The following MGMT variants were observed in gnomAD, a reference collection of about 807,000 sequenced individuals.
The protein encoded by MGMT is methylated-DNA--protein-cysteine methyltransferase.
MGMT carries 14 observed loss-of-function variants against 15.9 expected under a neutral mutation model. The observed-to-expected ratio is 0.88, with a 90% CI of 0.58 to 1.37. MGMT has a LOEUF of 1.37. Among genes scored for constraint, MGMT ranks in the 40% most tolerant of loss-of-function variants. The pLI is 0.00. For missense variants in MGMT, 282 were observed against 268.1 expected (o/e 1.05, Z -0.36); for synonymous variants, 130 against 118.2 (o/e 1.10, Z -0.65).
intron 2 of MGMT, chr10:129,700,937 T>C (rs942304865): frequency 6.6e-6 from 1 of 152,246 alleles, no homozygotes; most frequent in African/African-American, 2.4e-5. Context: ...GAAGGCATGT[T>C]CCTTCCTACA....
chr10:129,689,117 A>T (rs1266599151), intron 2 of MGMT, among the ~76,000 whole-genome samples: 1 of 151,872 alleles, frequency 6.6e-6, no homozygotes, highest in Non-Finnish European at 1.5e-5. Flanking sequence ...TTTTGTAGAG[A>T]TGGGGTTTAG....
intron 4 of MGMT, among the ~76,000 whole-genome samples, chr10:129,764,531 G>A (rs1848911001): frequency 6.6e-6 from 1 of 152,236 alleles, no homozygotes; most frequent in African/African-American, 2.4e-5. Context: ...TGGAGATGCT[G>A]GGCACACGCC....
At chr10:129,732,594 A>G (rs192221651) in intron 3 of MGMT, among the ~76,000 whole-genome samples, 1 of 151,040 alleles carries the variant, frequency 6.6e-6, no homozygotes, top group East Asian at 2.0e-4. Context: ...TTTAGGGTGC[A>G]TGTGCATAAT....
intron 2 of MGMT, among the ~76,000 whole-genome samples, chr10:129,583,846 T>G (rs1048670796): frequency 1.4e-4 from 21 of 151,972 alleles, no homozygotes; most frequent in African/African-American, 4.8e-4. Flanking sequence ...GTCTTGACTT[T>G]CGTTTTGTTT....
chr10:129,521,959 G>A (rs529612025), intron 1 of MGMT, among the ~76,000 whole-genome samples: 22 of 152,368 alleles, frequency 1.4e-4, no homozygotes, highest in African/African-American at 4.3e-4. Flanking sequence ...CCGGTGCAGG[G>A]CACGCAGGGC....
chr10:129,553,876 A>C (rs886792476), intron 2 of MGMT, among the ~76,000 whole-genome samples: 1 of 152,176 alleles, frequency 6.6e-6, no homozygotes. Context: ...TCTCTGCCTC[A>C]CTGAGCGGGT....
At chr10:129,714,902 G>A (rs940757058) in intron 3 of MGMT, among the ~76,000 whole-genome samples, 36 of 152,178 alleles carry the variant, frequency 2.4e-4, no homozygotes, top group East Asian at 1.9e-4. Context: ...CCTGTGCAGA[G>A]CCCTCTGACT....
At chr10:129,583,643 T>G (rs1846583436) in intron 2 of MGMT, among the ~76,000 whole-genome samples, 1 of 152,226 alleles carries the variant, frequency 6.6e-6, no homozygotes, top group African/African-American at 2.4e-5. Context: ...CCCCCTTGCC[T>G]GCAGGGCAGG....
intron 2 of MGMT, among the ~76,000 whole-genome samples, chr10:129,572,748 G>C (rs191607975): frequency 2.7e-4 from 41 of 152,180 alleles, no homozygotes; most frequent in African/African-American, 9.9e-4. Flanking sequence ...TTGGGATAGA[G>C]ACTGTGCCAT....
In MGMT at chr10:129,500,098, CTT is replaced by C. The variant is rs372706380; in HGVS notation, c.-13+32805_-13+32806del. Among the ~76,000 whole-genome samples, 1,024 of 152,250 alleles carry C rather than the reference CTT, an allele frequency of 6.7e-3. 11 individuals are homozygous for C. The highest frequency in any genetic ancestry group is 0.022 in the African/African-American group (933 of 41,542). On this transcript the variant is annotated intron_variant, in intron 1 of 4. Coordinates refer to ENST00000651593, the MANE Select transcript of MGMT (RefSeq NM_002412.5). Reference sequence around the variant, plus strand: ...TTCCTTACACTCTTTTTGACACAAACTTTTGAATATGGACTCACATTATAAAT... The same window carrying C: ...TTCCTTACACTCTTTTTGACACAAACTTGAATATGGACTCACATTATAAAT...
At chr10:129,704,566 G>A (rs563079547) in intron 2 of MGMT, among the ~76,000 whole-genome samples, 3 of 152,204 alleles carry the variant, frequency 2.0e-5, no homozygotes, top group Admixed American at 6.5e-5. Flanking sequence ...TAATTTAGCC[G>A]GCTCTGCTGG....
At chr10:129,757,693 T>A (rs536750058) in intron 3 of MGMT, among the ~76,000 whole-genome samples, 1 of 152,344 alleles carries the variant, frequency 6.6e-6, no homozygotes, top group African/African-American at 2.4e-5. Context: ...AACAGTTTGA[T>A]TTCAAAACGT....
chr10:129,652,465 G>C lies in MGMT; in HGVS notation c.126-55430G>C, dbSNP rs571622386. ...TCCTGAGGGAACGGAGGAGACTGGA[G>C]AGGGAACATTCTAGTATGTGCGTGC... On this transcript the variant is annotated intron_variant, in intron 2 of 4. Transcript: ENST00000651593. Among the ~76,000 whole-genome samples, 3 of 152,380 alleles carry C rather than the reference G, an allele frequency of 2.0e-5. No individual in the cohort carries two copies. The South Asian group carries it at 6.2e-4, about 32-fold the overall frequency.
At chr10:129,673,401 A>G (rs1443044449) in intron 2 of MGMT, among the ~76,000 whole-genome samples, 1 of 152,168 alleles carries the variant, frequency 6.6e-6, no homozygotes, top group African/African-American at 2.4e-5. Context: ...CTCTGCAACA[A>G]GCAAAATTTT....
intron 2 of MGMT, among the ~76,000 whole-genome samples, chr10:129,545,377 C>T (rs141813723): frequency 5.9e-5 from 9 of 152,232 alleles, no homozygotes; most frequent in African/African-American, 9.6e-5. Context: ...ATAGAGTGTC[C>T]TCCAGGTAAT....
intron 2 of MGMT, among the ~76,000 whole-genome samples, chr10:129,694,862 G>A (rs2133130844): frequency 6.6e-6 from 1 of 152,262 alleles, no homozygotes; most frequent in Non-Finnish European, 1.5e-5. Flanking sequence ...TGAAAACCCT[G>A]AGTTTCAGTG....
In MGMT at chr10:129,770,266, G is replaced by A. The variant is rs918630382; in HGVS notation, c.*3269G>A. On this transcript the variant is annotated 3_prime_UTR_variant, in exon 5 of 5. Transcript: ENST00000651593. ...TGTTTCCTACAGAACTGTAAGATAA[G>A]GATAAAATCCCATCCACCTGAATTG... 6.6e-6 allele frequency among the ~76,000 whole-genome samples: 1 copy of A among 152,204 alleles called. No homozygotes were observed. Among genetic ancestry groups the A allele is most frequent in the Non-Finnish European group, 1.5e-5 (1 of 68,036 alleles).
intron 1 of MGMT, among the ~76,000 whole-genome samples, chr10:129,498,947 T>C (rs1233283208): frequency 6.6e-6 from 1 of 152,244 alleles, no homozygotes; most frequent in African/African-American, 2.4e-5. Flanking sequence ...GCTGTCTGCA[T>C]GCATGTTAAA....
intron 3 of MGMT, among the ~76,000 whole-genome samples, chr10:129,713,719 G>A (rs1184391812): frequency 6.6e-6 from 1 of 152,308 alleles, no homozygotes; most frequent in East Asian, 1.9e-4. Flanking sequence ...GTGAGCACTG[G>A]TGGGGATGGA....
Sources: allele counts gnomAD v4.1 joint callset (sites outside exome capture counted in the v4.1 genomes callset), GRCh38; gene constraint gnomAD v4.1.1; transcripts MANE v1.5; gene names NCBI Gene and HGNC (gene_info 2026-07-23, HGNC 2026-07-21).